Variants in AKNAD1 observed in about 807,000 individuals in gnomAD.
AKNAD1 encodes AKNA domain containing 1, also known as protein AKNAD1.
Under a neutral mutation model 90.8 loss-of-function variants are expected in AKNAD1, and 67 were observed. The observed-to-expected ratio is 0.74, with a 90% CI of 0.61 to 0.90. The LOEUF (loss-of-function observed/expected upper bound fraction) is 0.90, where lower values mean the gene tolerates loss of function less well. Ranked by LOEUF, AKNAD1 falls within the 40% of genes least tolerant of loss-of-function variation. The pLI, the probability that AKNAD1 is intolerant of heterozygous loss-of-function variation, is 0.00. For missense variants in AKNAD1, 957 were observed against 975.4 expected (o/e 0.98, Z 0.25); for synonymous variants, 327 against 341.4 (o/e 0.96, Z 0.46).
At chr1:108,826,052 G>A (rs1049793668) in intron 11 of AKNAD1, among the ~76,000 whole-genome samples, 3 of 151,540 alleles carry the variant, frequency 2.0e-5, no homozygotes, top group African/African-American at 7.3e-5. Context: ...CCCCCGAAAG[G>A]GTTTCAGGAA....
chr1:108,822,716 C>T (rs978336016), intron 13 of AKNAD1, among the ~76,000 whole-genome samples: 15 of 152,264 alleles, frequency 9.9e-5, no homozygotes, highest in African/African-American at 3.4e-4. Context: ...GTATAGCTGT[C>T]GTTCAGTGGT....
intron 6 of AKNAD1, among the ~76,000 whole-genome samples, chr1:108,840,579 AAAG>A (rs901852551): frequency 2.0e-5 from 3 of 152,234 alleles, no homozygotes; most frequent in Non-Finnish European, 4.4e-5. Flanking sequence ...AAAATTTTAA[AAAG>A]AAGAAACATT....
chr1:108,840,277 A>G (rs1418803022), intron 6 of AKNAD1, among the ~76,000 whole-genome samples: 3 of 152,230 alleles, frequency 2.0e-5, no homozygotes, highest in African/African-American at 7.2e-5. Context: ...GCCCAGTACA[A>G]GTTAAATATA....
At chr1:108,827,792 T>C (rs375441351) in intron 10 of AKNAD1, among the ~76,000 whole-genome samples, 41 of 131,270 alleles carry the variant, frequency 3.1e-4, no homozygotes, top group African/African-American at 4.4e-4. Context: ...CCAGCCTGGG[T>C]GACAGAGCGA....
chr1:108,831,385 G>T (rs1570805394), intron 9 of AKNAD1, among the ~76,000 whole-genome samples: 1 of 152,174 alleles, frequency 6.6e-6, no homozygotes, highest in South Asian at 2.1e-4. Context: ...TGGGCCAAAG[G>T]TTGCGAACAT....
intron 10 of AKNAD1, among the ~76,000 whole-genome samples, chr1:108,827,978 A>G (rs1483831528): frequency 1.3e-5 from 2 of 149,568 alleles, no homozygotes; most frequent in Admixed American, 1.3e-4. Context: ...CAGGCTGGGT[A>G]TGGTGGCTCA....
intron 6 of AKNAD1, among the ~76,000 whole-genome samples, chr1:108,839,142 G>C (rs1475523514): frequency 6.6e-6 from 1 of 152,070 alleles, no homozygotes; most frequent in Non-Finnish European, 1.5e-5. Flanking sequence ...ATTCTACCAA[G>C]ACTTTTAAGC....
Position 108,852,582 on chromosome 1 carries a change from A to G in AKNAD1, c.83T>C (p.Ile28Thr). The G allele has an allele frequency of 6.2e-7, 1 of 1,612,798 alleles. No individual in the cohort carries two copies. The highest frequency in any genetic ancestry group is 8.5e-7 in the Non-Finnish European group (1 of 1,179,640). ...TGAGGTAAAACTGTAATCATTGCCT[A>G]TCTTAATCTGAGAGAGGTCCCCATC... Reference protein sequence around the residue: ...PYDGDLSQIKIGNDYSFTSKK... With the variant: ...PYDGDLSQIKTGNDYSFTSKK... Residue 28 changes from isoleucine to threonine, a missense_variant, in exon 2 of 16, where the codon ATA becomes ACA. By Grantham distance (89) the Ile-to-Thr change is moderately conservative. Coordinates refer to ENST00000370001, the MANE Select transcript of AKNAD1 (RefSeq NM_152763.5).
rs776082732 is a variant in AKNAD1 at position 108,816,268 on chromosome 1, G to A, written c.2414C>T (p.Thr805Ile). 7 of 1,613,568 alleles carry A rather than the reference G, an allele frequency of 4.3e-6. No homozygotes were observed. The highest frequency in any genetic ancestry group is 1.3e-5 in the African/African-American group (1 of 74,904). Reference protein sequence around the residue: ...LNSALDHALRTATILKETTDQ... With the variant: ...LNSALDHALRIATILKETTDQ... ...TGTAGTTTCTTTCAAAATGGTTGCT[G>A]TCCTTAGGGCATGATCCAAAGCCGA... Residue 805 changes from threonine (T) to isoleucine (I), a missense_variant, in exon 16 of 16, where the codon ACA becomes ATA. Thr to Ile is a moderately conservative substitution (Grantham distance 89). Transcript: ENST00000370001.
At chr1:108,857,291 T>G (rs1665077587), upstream of AKNAD1, 1 of 152,820 alleles carries the variant, frequency 6.5e-6, no homozygotes, top group Non-Finnish European at 1.5e-5. Flanking sequence ...TGACAGCTAT[T>G]CCCTGTGTGA....
At chr1:108,848,038 C>T (rs74990321) in intron 5 of AKNAD1, among the ~76,000 whole-genome samples, 1 of 152,118 alleles carries the variant, frequency 6.6e-6, no homozygotes, top group Non-Finnish European at 1.5e-5. Flanking sequence ...GCATTTGGGT[C>T]CCCTGGTTTT....
chr1:108,824,794 T>C (rs1295425593), intron 11 of AKNAD1, among the ~76,000 whole-genome samples: 1 of 151,586 alleles, frequency 6.6e-6, no homozygotes, highest in African/African-American at 2.4e-5. Flanking sequence ...CAATCCTGGT[T>C]CAGCCTCCCA....
chr1:108,819,563 T>C (rs1254076742), intron 14 of AKNAD1, among the ~76,000 whole-genome samples: 1 of 151,610 alleles, frequency 6.6e-6, no homozygotes, highest in African/African-American at 2.4e-5. Context: ...AAGGCTGCAG[T>C]GAGCCAAGAT....
chr1:108,818,413 A>G (rs921217488), intron 14 of AKNAD1, among the ~76,000 whole-genome samples: 9 of 152,124 alleles, frequency 5.9e-5, no homozygotes, highest in African/African-American at 2.2e-4. Flanking sequence ...CTAACTAATG[A>G]AATACTCTGG....
intron 10 of AKNAD1, among the ~76,000 whole-genome samples, chr1:108,828,143 A>G (rs1316361312): frequency 6.6e-6 from 1 of 151,698 alleles, no homozygotes; most frequent in African/African-American, 2.4e-5. Flanking sequence ...GGAAGAAACT[A>G]TGCTATACGT....
intron 5 of AKNAD1, among the ~76,000 whole-genome samples, chr1:108,847,931 T>A (rs1160746017): frequency 6.6e-6 from 1 of 152,228 alleles, no homozygotes; most frequent in African/African-American, 2.4e-5. Context: ...TAGTGCCTGG[T>A]ACAGGGTCTG....
intron 14 of AKNAD1, 103 bp from the exon 15 acceptor site, chr1:108,817,280 T>C (rs951184753): frequency 4.8e-5 from 71 of 1,478,934 alleles, no homozygotes; most frequent in Admixed American, 3.1e-4. Context: ...GTGGTTTGGG[T>C]GTGGGTGGAT....
chr1:108,853,143 T>TTTTTTTC (rs1664921612), intron 1 of AKNAD1, among the ~76,000 whole-genome samples: 1 of 148,592 alleles, frequency 6.7e-6, no homozygotes, highest in African/African-American at 2.5e-5. Context: ...TTTCTTTTTT[T>TTTTTTTC]TTTTTTGAGA....
At position 108,843,214 on chromosome 1, in the gene AKNAD1, G is replaced by A; in HGVS notation, c.1299C>T (p.Ala433=). Residue 433 remains alanine (A), a synonymous_variant, in exon 6 of 16, where the codon GCC becomes GCT. Transcript: ENST00000370001. Reference sequence around the variant, plus strand: ...GCAAAGTCAGATGCTTGTCCTTGGTGGCCAGAAAGTTCTGCTCCAGCAGTT... The same window carrying A: ...GCAAAGTCAGATGCTTGTCCTTGGTAGCCAGAAAGTTCTGCTCCAGCAGTT... The part of the protein sequence containing the change: ...HLELLEQNFL[A]TKDKHLTLQQ... 1 of 1,614,168 alleles carries A rather than the reference G, an allele frequency of 6.2e-7. No individual in the cohort carries two copies. Among genetic ancestry groups the A allele is most frequent in the Non-Finnish European group, 8.5e-7 (1 of 1,180,038 alleles).
Sources: allele counts gnomAD v4.1 joint callset (sites outside exome capture counted in the v4.1 genomes callset), GRCh38; gene constraint gnomAD v4.1.1; transcripts MANE v1.5; gene names NCBI Gene and HGNC (gene_info 2026-07-23, HGNC 2026-07-21).